Variants in CTNND2 observed in about 807,000 individuals in gnomAD.
The protein encoded by CTNND2 is catenin delta-2.
CTNND2 carries 22 observed loss-of-function variants against 144.4 expected under a neutral mutation model. The observed-to-expected ratio is 0.15, with a 90% confidence interval of 0.11 to 0.22. CTNND2 has a LOEUF of 0.22. Among genes scored for constraint, CTNND2 ranks in the 10% least tolerant of loss-of-function variants. The pLI is 1.00. For synonymous variants in CTNND2, 751 were observed against 695.6 expected, an observed-to-expected ratio of 1.08 and a Z score of -1.25; for missense variants, 1,353 against 1,618.8, an observed-to-expected ratio of 0.84 and a Z score of 2.82.
intron 12 of CTNND2, among the ~76,000 whole-genome samples, chr5:11,118,866 T>G (rs1034069874): frequency 6.6e-6 from 1 of 152,086 alleles, no homozygotes; most frequent in Non-Finnish European, 1.5e-5. Context: ...ACACAGTAAG[T>G]GTGTCTCTGC....
intron 5 of CTNND2, among the ~76,000 whole-genome samples, chr5:11,405,200 G>A (rs2149828603): frequency 6.6e-6 from 1 of 152,298 alleles, no homozygotes; most frequent in East Asian, 1.9e-4. Context: ...CATTGTGCTT[G>A]ATCCCAGAAG....
At chr5:11,145,084 G>A (rs930484241) in intron 12 of CTNND2, among the ~76,000 whole-genome samples, 3 of 152,020 alleles carry the variant, frequency 2.0e-5, no homozygotes, top group African/African-American at 7.2e-5. Context: ...AACATTTAAG[G>A]GGGTGCTGAA....
chr5:11,518,229 G>GTT (rs1772367758), intron 3 of CTNND2, among the ~76,000 whole-genome samples: 6 of 152,100 alleles, frequency 3.9e-5, no homozygotes, highest in Non-Finnish European at 8.8e-5. Context: ...AGGTGTGCTT[G>GTT]TGTCTTAGTT....
At chr5:11,467,035 G>T (rs111721758) in intron 3 of CTNND2, among the ~76,000 whole-genome samples, 191 of 152,336 alleles carry the variant, frequency 1.3e-3, no homozygotes, top group African/African-American at 4.4e-3. Flanking sequence ...AAATGCCCAG[G>T]CTCAAAGGTG....
chr5:11,373,480 G>GCCA (rs1757643504), intron 7 of CTNND2, among the ~76,000 whole-genome samples: 1 of 152,140 alleles, frequency 6.6e-6, no homozygotes, highest in Non-Finnish European at 1.5e-5. Flanking sequence ...TCCCTGCATT[G>GCCA]CCACAATACC....
chr5:11,199,383 C>A, intron 11 of CTNND2, 65 bp downstream of exon 11: 1 of 1,411,924 alleles, frequency 7.1e-7, no homozygotes, highest in Non-Finnish European at 9.9e-7. Flanking sequence ...GTACATTTGC[C>A]TCTGTGTTGG....
Position 11,107,876 on chromosome 5 carries a change from G to A in CTNND2, c.2463+2982C>T, listed in dbSNP as rs1752577263. On this transcript the variant is annotated intron_variant, in intron 14 of 21. Coordinates refer to ENST00000304623, the MANE Select transcript of CTNND2 (RefSeq NM_001332.4). ...TGAGTCTGGGAAAAGTCACAGCTAT[G>A]AGCATCCACCCACAATTAAACCCAC... Among the ~76,000 whole-genome samples, 3 of 152,254 alleles carry A rather than the reference G, an allele frequency of 2.0e-5. No individual in the cohort carries two copies. In the South Asian group the frequency reaches 6.2e-4, roughly 32 times the overall value.
At chr5:11,110,512 C>T (rs1293556690) in intron 14 of CTNND2, among the ~76,000 whole-genome samples, 1 of 152,216 alleles carries the variant, frequency 6.6e-6, no homozygotes, top group Non-Finnish European at 1.5e-5. Context: ...CCACCCATCC[C>T]TGTCACCTGG....
rs139676113 is a variant in CTNND2, at chr5:11,172,945, T to C, written c.1976-13186A>G. On this transcript the variant is annotated intron_variant, in intron 11 of 21. Transcript: ENST00000304623. ...AGGACTCCAGGAAGAGAGTGGGACA[T>C]AGGTATTGTATGTTTTGGACCTAAG... Among the ~76,000 whole-genome samples the C allele has an allele frequency of 8.5e-5, 13 of 152,330 alleles. No individual in the cohort carries two copies. In the East Asian group the frequency reaches 1.9e-3, roughly 23 times the overall value.
At chr5:11,635,966 C>T (rs1184464503) in intron 2 of CTNND2, among the ~76,000 whole-genome samples, 1 of 151,934 alleles carries the variant, frequency 6.6e-6, no homozygotes, top group Non-Finnish European at 1.5e-5. Flanking sequence ...AATTTCCAGT[C>T]TAATAGAAAT....
intron 2 of CTNND2, among the ~76,000 whole-genome samples, chr5:11,582,852 T>C (rs1778543917): frequency 1.3e-5 from 2 of 152,136 alleles, no homozygotes; most frequent in African/African-American, 4.8e-5. Context: ...AATCATACAA[T>C]TAGAATGCGT....
At chr5:11,334,670 A>T (rs886362253) in intron 9 of CTNND2, among the ~76,000 whole-genome samples, 2 of 152,120 alleles carry the variant, frequency 1.3e-5, no homozygotes, top group African/African-American at 4.8e-5. Context: ...AAGATGGGGG[A>T]GCCACCCTAG....
intron 2 of CTNND2, among the ~76,000 whole-genome samples, chr5:11,727,274 C>A (rs939842458): frequency 3.3e-5 from 5 of 152,140 alleles, no homozygotes; most frequent in African/African-American, 1.2e-4. Flanking sequence ...TTTCTTTACC[C>A]TCCTGGAACT....
At chr5:11,006,740 A>G (rs370344897) in intron 18 of CTNND2, among the ~76,000 whole-genome samples, 70 of 152,314 alleles carry the variant, frequency 4.6e-4, no homozygotes, top group African/African-American at 1.3e-3. Flanking sequence ...TAGAAACCTC[A>G]TTGTGAAGGC....
At chr5:11,895,804 G>T (rs189422098) in intron 1 of CTNND2, among the ~76,000 whole-genome samples, 1 of 152,124 alleles carries the variant, frequency 6.6e-6, no homozygotes, top group East Asian at 1.9e-4. Flanking sequence ...GATATAAAAA[G>T]ATAATTCACA....
At chr5:11,241,101 C>T (rs1038771829) in intron 9 of CTNND2, among the ~76,000 whole-genome samples, 7 of 151,420 alleles carry the variant, frequency 4.6e-5, no homozygotes, top group Admixed American at 4.6e-4. Flanking sequence ...TACACACACC[C>T]AACATGTACA....
At chr5:11,519,092 C>T (rs1772480757) in intron 3 of CTNND2, among the ~76,000 whole-genome samples, 1 of 151,868 alleles carries the variant, frequency 6.6e-6, no homozygotes, top group East Asian at 1.9e-4. Context: ...CTAACATCAT[C>T]ATTGCATGGA....
intron 3 of CTNND2, among the ~76,000 whole-genome samples, chr5:11,502,339 T>C (rs2150010973): frequency 6.6e-6 from 1 of 152,302 alleles, no homozygotes; most frequent in Non-Finnish European, 1.5e-5. Flanking sequence ...CCTTTCTTCA[T>C]GGAAATTCAA....
chr5:11,009,819 C>T (rs536332985), intron 18 of CTNND2, among the ~76,000 whole-genome samples: 1 of 152,308 alleles, frequency 6.6e-6, no homozygotes, highest in South Asian at 2.1e-4. Context: ...CATTGATTTC[C>T]ACTTTTGCAC....
Sources: gnomAD v4.1 joint callset for allele counts (sites outside exome capture counted in the v4.1 genomes callset) on GRCh38, gnomAD v4.1.1 for gene constraint, MANE v1.5 for transcripts, NCBI Gene and HGNC (gene_info 2026-07-23, HGNC 2026-07-21) for gene names.